MPRIP: variants seen among roughly 807,000 people sequenced by gnomAD.
The protein encoded by MPRIP is myosin phosphatase Rho interacting protein, also known as myosin phosphatase Rho-interacting protein.
Under a neutral mutation model 234.9 loss-of-function variants are expected in MPRIP, and 59 were observed. That is an observed-to-expected ratio of 0.25 (90% confidence interval 0.20 to 0.31). The LOEUF is 0.31. Ranked by LOEUF, MPRIP falls within the 10% of genes least tolerant of loss-of-function variation. The pLI, the probability that MPRIP is intolerant of heterozygous loss-of-function variation, is 1.00. For missense variants in MPRIP, 2,436 were observed against 3,071.0 expected (o/e 0.79, Z 4.89); for synonymous variants, 1,144 against 1,263.9 (o/e 0.91, Z 2.01).
At chr17:17,067,499 T>C (rs1193644777) in intron 1 of MPRIP, among the ~76,000 whole-genome samples, 1 of 152,176 alleles carries the variant, frequency 6.6e-6, no homozygotes, top group East Asian at 1.9e-4. Flanking sequence ...CGATGCAAGA[T>C]TTCATCACAC....
intron 9 of MPRIP, among the ~76,000 whole-genome samples, chr17:17,144,156 G>A (rs1460121463): frequency 6.6e-6 from 1 of 152,210 alleles, no homozygotes; most frequent in Non-Finnish European, 1.5e-5. Flanking sequence ...TCAGGGTACA[G>A]GAGCAAGGCC....
At chr17:17,122,489 G>A (rs1216773854) in intron 3 of MPRIP, among the ~76,000 whole-genome samples, 1 of 152,168 alleles carries the variant, frequency 6.6e-6, no homozygotes, top group East Asian at 1.9e-4. Context: ...GAGTAGCTGG[G>A]ACTATAGACG....
At chr17:17,126,661 A>G in intron 3 of MPRIP, 41 bp from the exon 4 acceptor site, 2 of 1,584,256 alleles carry the variant, frequency 1.3e-6, no homozygotes, top group Non-Finnish European at 1.7e-6. Context: ...CTGTGGCCCC[A>G]TTGGCTGGCC....
intron 9 of MPRIP, among the ~76,000 whole-genome samples, chr17:17,144,261 C>T (rs2144517804): frequency 6.6e-6 from 1 of 152,366 alleles, no homozygotes; most frequent in South Asian, 2.1e-4. Context: ...TCCTTGCTGC[C>T]TGCACAGCAG....
intron 3 of MPRIP, among the ~76,000 whole-genome samples, chr17:17,093,601 G>T (rs1010379571): frequency 2.0e-5 from 3 of 152,142 alleles, no homozygotes; most frequent in Non-Finnish European, 4.4e-5. Context: ...GGCCAGATGG[G>T]AATTTTAAAG....
chr17:17,061,358 T>C (rs2088861972), intron 1 of MPRIP, among the ~76,000 whole-genome samples: 2 of 152,216 alleles, frequency 1.3e-5, no homozygotes, highest in Admixed American at 6.5e-5. Context: ...CTCTTTGGAA[T>C]TGAAATGCAG....
intron 3 of MPRIP, among the ~76,000 whole-genome samples, chr17:17,117,749 G>A (rs1169924924): frequency 2.0e-5 from 3 of 152,184 alleles, no homozygotes; most frequent in African/African-American, 7.2e-5. Context: ...TGGGTCATAT[G>A]GAAACTGTCT....
chr17:17,152,923 G>A (rs1362501122), intron 12 of MPRIP, among the ~76,000 whole-genome samples: 1 of 152,200 alleles, frequency 6.6e-6, no homozygotes, highest in South Asian at 2.1e-4. Context: ...AGAAGCAGGG[G>A]GATCCCCTGG....
intron 21 of MPRIP, 86 bp downstream of exon 21, chr17:17,176,598 C>A: frequency 9.4e-7 from 1 of 1,058,640 alleles, no homozygotes; most frequent in Non-Finnish European, 1.5e-6. Context: ...GTGCTCAGCG[C>A]GGGCTCTTCT....
Position 17,158,650 on chromosome 17 carries a change from C to G in MPRIP, c.2048C>G (p.Pro683Arg). The change falls in exon 14 of 24, where the codon CCT becomes CGT. Residue 683 changes from proline (P) to arginine (R), a missense_variant. Pro to Arg is a moderately radical substitution (Grantham distance 103). This residue lies in a region of MPRIP where 1,998 missense variants were observed against 2,520.3 expected (regional missense o/e 0.79). Coordinates refer to ENST00000651222, the MANE Select transcript of MPRIP (RefSeq NM_001364716.4). The stretch of plus-strand genomic sequence containing the variant: ...CAGGAGCGGGTGGGCGGCGTGGGGC[C>G]TGCTGACACCCACGAGCCCCTGCGC... ...LAQERVGGVG[P>R]ADTHEPLRPE... The G allele has an allele frequency of 1.2e-6, 2 of 1,603,618 alleles. No homozygotes were observed. Among genetic ancestry groups the G allele is most frequent in the Non-Finnish European group, 1.7e-6 (2 of 1,176,038 alleles).
Position 17,158,809 on chromosome 17 carries a change from G to A in MPRIP, c.2207G>A (p.Arg736Gln), listed in dbSNP as rs763181634. ...EDAALRMEVD[R>Q]SPGLPMSDLK... is the part of the protein sequence containing the mutation. ...GCAGCCCTGCGCATGGAGGTGGACC[G>A]GAGCCCAGGGCTGCCTATGAGCGAC... Residue 736 changes from arginine to glutamine, a missense_variant, in exon 14 of 24, where the codon CGG (arginine) becomes CAG (glutamine). Physicochemically the swap from Arg to Gln is conservative, Grantham distance 43. This residue lies in a region of MPRIP where 1,998 missense variants were observed against 2,520.3 expected (regional missense o/e 0.79). Coordinates refer to ENST00000651222, the MANE Select transcript of MPRIP (RefSeq NM_001364716.4). 6.0e-5 allele frequency: 96 copies of A among 1,611,544 alleles called. 1 individual carries two copies. The highest frequency in any genetic ancestry group is 5.3e-4 in the South Asian group (48 of 91,034).
chr17:17,136,102 C>G, intron 5 of MPRIP, 117 bp from the exon 6 acceptor site: 1 of 1,012,044 alleles, frequency 9.9e-7, no homozygotes, highest in Admixed American at 1.8e-5. Context: ...AGATTCCAGG[C>G]CCCTGACATT....
Position 17,189,452 on chromosome 17 carries a change from G to C in MPRIP, c.*4558G>C, listed in dbSNP as rs2046543144. The stretch of plus-strand genomic sequence containing the variant: ...GATCCGCCTGTCTCGGCCTCCCAAA[G>C]TGCTGGGATTACAGGCGTGAGCCAC... On this transcript the variant is annotated 3_prime_UTR_variant, in exon 24 of 24. Coordinates refer to ENST00000651222, the MANE Select transcript of MPRIP (RefSeq NM_001364716.4). The C allele has an allele frequency of 6.6e-6, 1 of 151,818 alleles. No individual in the cohort carries two copies. The highest frequency in any genetic ancestry group is 6.6e-5 in the Admixed American group (1 of 15,254). 9.4% of individuals were successfully genotyped at this position (151,818 alleles called of 1,614,324 possible).
chr17:17,128,378 A>AT (rs2090533525), intron 4 of MPRIP, among the ~76,000 whole-genome samples: 1 of 152,156 alleles, frequency 6.6e-6, no homozygotes, highest in Admixed American at 6.5e-5. Context: ...ACCATGTGGT[A>AT]TTAGGAGAGG....
chr17:17,051,592 C>T (rs554913163), intron 1 of MPRIP, among the ~76,000 whole-genome samples: 4 of 152,300 alleles, frequency 2.6e-5, no homozygotes, highest in Admixed American at 6.5e-5. Flanking sequence ...GGGGCAGGTT[C>T]GAAAACTCTG....
At chr17:17,106,050 C>T (rs540873623) in intron 3 of MPRIP, among the ~76,000 whole-genome samples, 2 of 152,222 alleles carry the variant, frequency 1.3e-5, no homozygotes, top group African/African-American at 4.8e-5. Context: ...TCAGGATCTT[C>T]CTGAGTCCCT....
At chr17:17,142,878 C>T (rs1172966319) in intron 8 of MPRIP, 113 bp downstream of exon 8, 1 of 1,220,788 alleles carries the variant, frequency 8.2e-7, no homozygotes. Context: ...TGCCAGGCTT[C>T]TCTCCAACCA....
At chr17:17,128,254 A>G (rs1018491666) in intron 4 of MPRIP, among the ~76,000 whole-genome samples, 2 of 152,096 alleles carry the variant, frequency 1.3e-5, no homozygotes, top group African/African-American at 4.8e-5. Context: ...GCTGGGTCCC[A>G]GGGAGGGTGT....
At chr17:17,178,053 T>C (rs1443765352) in intron 22 of MPRIP, among the ~76,000 whole-genome samples, 1 of 151,922 alleles carries the variant, frequency 6.6e-6, no homozygotes, top group African/African-American at 2.4e-5. Context: ...CCCCAGTAGC[T>C]GGGACTACAG....
Sources: allele counts gnomAD v4.1 joint callset (sites outside exome capture counted in the v4.1 genomes callset), GRCh38; gene constraint gnomAD v4.1.1; regional missense constraint gnomAD v4.1.1; transcripts MANE v1.5; gene names NCBI Gene and HGNC (gene_info 2026-07-23, HGNC 2026-07-21).